BRD4: variants seen among roughly 807,000 people sequenced by gnomAD.
BRD4 encodes the protein bromodomain containing 4.
Under a neutral mutation model 142.1 loss-of-function variants are expected in BRD4, and 16 were observed. The ratio of observed to expected loss-of-function variants is 0.11; its 90% CI spans 0.08 to 0.17. The LOEUF is 0.17. BRD4 is among the 10% of genes least tolerant of loss of function. The pLI is 1.00. For missense variants in BRD4, 1,424 were observed against 1,810.9 expected (o/e 0.79, Z 3.88); for synonymous variants, 833 against 707.5 (o/e 1.18, Z -2.82).
intron 1 of BRD4, among the ~76,000 whole-genome samples, chr19:15,331,267 C>A (rs543878916): frequency 5.3e-5 from 8 of 152,234 alleles, no homozygotes; most frequent in Non-Finnish European, 1.2e-4. Flanking sequence ...TCCACTACAA[C>A]AGAGTGGGGT....
intron 1 of BRD4, chr19:15,280,555 C>T (rs908418065): frequency 1.3e-5 from 8 of 634,948 alleles, no homozygotes; most frequent in Middle Eastern, 7.7e-4. Context: ...CTAAAACATA[C>T]CACTGTGCTG....
At chr19:15,243,653 G>C (rs1049158497) in intron 13 of BRD4, among the ~76,000 whole-genome samples, 166 bp from the exon 14 acceptor site, 1 of 152,190 alleles carries the variant, frequency 6.6e-6, no homozygotes. Context: ...CTCCAGAGCA[G>C]TAAACAGCTT....
At chr19:15,262,516 C>A (rs2047482388) in intron 7 of BRD4, among the ~76,000 whole-genome samples, 1 of 140,192 alleles carries the variant, frequency 7.1e-6, no homozygotes, top group Non-Finnish European at 1.5e-5. Context: ...TGGCAAAACC[C>A]ATCTCTTTAA....
intron 1 of BRD4, among the ~76,000 whole-genome samples, chr19:15,313,827 T>C (rs1388520017): frequency 6.6e-6 from 1 of 151,992 alleles, no homozygotes; most frequent in Non-Finnish European, 1.5e-5. Context: ...GGCAGGAGGG[T>C]GTGCATCATC....
chr19:15,245,942 C>G (rs2047281915), intron 11 of BRD4, among the ~76,000 whole-genome samples: 1 of 152,198 alleles, frequency 6.6e-6, no homozygotes, highest in African/African-American at 2.4e-5. Flanking sequence ...CCACGCTAAG[C>G]TTCTGTGAGG....
At chr19:15,325,786 G>A (rs907661277) in intron 1 of BRD4, among the ~76,000 whole-genome samples, 2 of 151,794 alleles carry the variant, frequency 1.3e-5, no homozygotes, top group Non-Finnish European at 2.9e-5. Context: ...ATCACCTGAG[G>A]TCGGGAGTTC....
chr19:15,273,312 A>G (rs2047610411), intron 1 of BRD4, among the ~76,000 whole-genome samples, 179 bp from the exon 2 acceptor site: 1 of 152,132 alleles, frequency 6.6e-6, no homozygotes, highest in Non-Finnish European at 1.5e-5. Flanking sequence ...TCCTCTCCCC[A>G]AAGACTTACC....
At chr19:15,302,668 C>CAAAAAAAA (rs572714842) in intron 1 of BRD4, among the ~76,000 whole-genome samples, 1 of 56,790 alleles carries the variant, frequency 1.8e-5, no homozygotes, top group Non-Finnish European at 2.9e-5. Flanking sequence ...GACTCCGACT[C>CAAAAAAAA]AAAAAAAAAA....
chr19:15,296,932 C>G lies in BRD4; in HGVS notation c.-34-23799G>C, dbSNP rs562372220. ...AGGCTCTGACGGCAGAAGCCCCCCC[C>G]ACCAACAGCCACCACATGAAACAAA... On this transcript the variant is annotated intron_variant, in intron 1 of 19. Coordinates refer to ENST00000679869, the MANE Select transcript of BRD4 (RefSeq NM_001379291.1). 3.9e-5 allele frequency among the ~76,000 whole-genome samples: 6 copies of G among 152,258 alleles called. No homozygotes were observed. In the South Asian group the frequency reaches 8.3e-4, roughly 21 times the overall value.
chr19:15,241,899 G>C (rs764939282), intron 14 of BRD4, among the ~76,000 whole-genome samples: 1 of 139,492 alleles, frequency 7.2e-6, no homozygotes, highest in Non-Finnish European at 1.5e-5. Context: ...TGCAACCTCC[G>C]CCTCCCAGAC....
intron 14 of BRD4, 66 bp from the exon 15 acceptor site, chr19:15,240,088 C>A: frequency 6.5e-7 from 1 of 1,536,478 alleles, no homozygotes; most frequent in South Asian, 1.3e-5. Flanking sequence ...AGAGAATTGT[C>A]GGGAAGGAAA....
At chr19:15,313,479 G>A (rs898501714) in intron 1 of BRD4, among the ~76,000 whole-genome samples, 3 of 149,840 alleles carry the variant, frequency 2.0e-5, no homozygotes, top group African/African-American at 7.4e-5. Context: ...TCAAGACTAA[G>A]CCTGGCTGAC....
chr19:15,254,838 T>C (rs1407891044), intron 10 of BRD4, among the ~76,000 whole-genome samples: 1 of 152,114 alleles, frequency 6.6e-6, no homozygotes, highest in Non-Finnish European at 1.5e-5. Flanking sequence ...GGATGAGCTG[T>C]GTGACACAAA....
rs756276214 is a variant in BRD4, at chr19:15,263,567, C to T, written c.1213-19G>A. 8.1e-6 allele frequency: 13 copies of T among 1,613,652 alleles called. No homozygotes were observed. In the Admixed American group the frequency reaches 2.0e-4, roughly 25 times the overall value. On this transcript the variant is annotated intron_variant, in intron 6 of 19. Coordinates refer to ENST00000679869, the MANE Select transcript of BRD4 (RefSeq NM_001379291.1). ...GTTTAGACTGGAAAACAAGACAAGT[C>T]CCTGTTAGCTGTGTCTGCCCATGTG...
At chr19:15,263,639 G>A in intron 6 of BRD4, 91 bp from the exon 7 acceptor site, 1 of 1,537,532 alleles carries the variant, frequency 6.5e-7, no homozygotes, top group Non-Finnish European at 8.9e-7. Context: ...GCCTAGAAGA[G>A]CAAGTTGGTT....
intron 1 of BRD4, chr19:15,280,481 A>C: frequency 1.0e-6 from 1 of 1,004,380 alleles, no homozygotes; most frequent in Non-Finnish European, 1.2e-6. Flanking sequence ...CAGAGCCAAG[A>C]CCTCTCCCTG....
chr19:15,318,352 A>G (rs2048033500), intron 1 of BRD4, among the ~76,000 whole-genome samples: 1 of 152,146 alleles, frequency 6.6e-6, no homozygotes, highest in Non-Finnish European at 1.5e-5. Context: ...GTTCTTTTCC[A>G]TCCTCTGACT....
At chr19:15,298,314 C>A (rs1281611316) in intron 1 of BRD4, among the ~76,000 whole-genome samples, 2 of 152,150 alleles carry the variant, frequency 1.3e-5, no homozygotes, top group Admixed American at 1.3e-4. Context: ...AAGAAAAATG[C>A]AAAATGCTTT....
chr19:15,290,371 C>T (rs955722868), intron 1 of BRD4, among the ~76,000 whole-genome samples: 1 of 152,130 alleles, frequency 6.6e-6, no homozygotes, highest in Non-Finnish European at 1.5e-5. Context: ...AATCCTGTTA[C>T]GTTAGAAAAC....
Sources: gnomAD v4.1 joint callset for allele counts (sites outside exome capture counted in the v4.1 genomes callset) on GRCh38, gnomAD v4.1.1 for gene constraint, MANE v1.5 for transcripts, NCBI Gene and HGNC (gene_info 2026-07-23, HGNC 2026-07-21) for gene names.